AARS1: variants seen among roughly 807,000 people sequenced by gnomAD.
AARS1 encodes alanyl-tRNA synthetase 1, also known as alanine--tRNA ligase, cytoplasmic.
Under a neutral mutation model 108.9 loss-of-function variants are expected in AARS1, and 72 were observed. That is an observed-to-expected ratio of 0.66 (90% CI 0.55 to 0.80). The LOEUF is 0.80. AARS1 is among the 30% of genes least tolerant of loss of function. The probability of loss-of-function intolerance (pLI) is 0.00; values close to 1 mark genes in which losing one functional copy is unlikely to be tolerated. For missense variants in AARS1, 1,193 were observed against 1,233.2 expected (o/e 0.97, Z 0.49); for synonymous variants, 489 against 465.7 (o/e 1.05, Z -0.64).
rs1959876202 is a variant in AARS1 at position 70,252,871 on chromosome 16, C to T, written c.2757G>A (p.Trp919Ter). The T allele has an allele frequency of 1.9e-6, 3 of 1,614,136 alleles. No individual in the cohort carries two copies. The highest frequency in any genetic ancestry group is 2.5e-6 in the Non-Finnish European group (3 of 1,179,962). ...AANRGLKASEWVQQVSGLMDG... is the reference protein window; with the variant it reads ...AANRGLKASE The stretch of plus-strand genomic sequence containing the variant: ...CCATCAAGCCTGACACCTGCTGCAC[C>T]CACTCGCTGGCTTTTAAGCCCCGAT... Residue 919 changes from tryptophan to a stop codon, truncating the protein, a stop_gained, in exon 21 of 21, where the codon TGG becomes TGA. Transcript: ENST00000261772. LOFTEE classifies it high-confidence loss of function.
At chr16:70,265,433 A>G (rs1345259847) in intron 10 of AARS1, 105 bp downstream of exon 10, 1 of 1,546,658 alleles carries the variant, frequency 6.5e-7, no homozygotes, top group Non-Finnish European at 8.9e-7. Context: ...TAGGGGAAAA[A>G]GCACTTCAAA....
chr16:70,284,190 C>A (rs929172345), intron 1 of AARS1, among the ~76,000 whole-genome samples: 6 of 151,916 alleles, frequency 3.9e-5, no homozygotes, highest in Admixed American at 3.9e-4. Flanking sequence ...CCTGTAGTCC[C>A]AGCTACTCAC....
rs766741526 is a variant in AARS1 at position 70,253,842 on chromosome 16, C to A, written c.2521-42G>T. ...CAGAACAGCAGCTCAGACCAAAAGC[C>A]CAGGCCCCGAACCCCTGGCTGTTCT... On this transcript the variant is annotated intron_variant, in intron 18 of 20. Coordinates refer to ENST00000261772, the MANE Select transcript of AARS1 (RefSeq NM_001605.3). 6.2e-6 allele frequency: 10 copies of A among 1,614,196 alleles called. No individual in the cohort carries two copies. In the Admixed American group the frequency reaches 1.7e-4, roughly 27 times the overall value.
chr16:70,281,719 G>A (rs1960699978), intron 2 of AARS1, among the ~76,000 whole-genome samples: 1 of 152,070 alleles, frequency 6.6e-6, no homozygotes, highest in Admixed American at 6.6e-5. Flanking sequence ...TGACATGGTA[G>A]AGCATGCCTG....
At chr16:70,268,549 C>G (rs566137751) in intron 7 of AARS1, among the ~76,000 whole-genome samples, 170 bp from the exon 8 acceptor site, 1 of 152,276 alleles carries the variant, frequency 6.6e-6, no homozygotes, top group South Asian at 2.1e-4. Context: ...CAGTAACATA[C>G]CCACAAATAC....
At position 70,255,821 on chromosome 16, in the gene AARS1, C is replaced by T. The variant is rs746349849; in HGVS notation, c.2193G>A (p.Ser731=). ...CGATCACAAAAGCTCCTGCATGACT[C>T]GAGTTCCGCAGGTGCCTGAATGGCA... ...EFCGGTHLRN[S]SHAGAFVIVT... The change falls in exon 16 of 21, where the codon TCG becomes TCA. Residue 731 remains serine, a synonymous_variant. Coordinates refer to ENST00000261772, the MANE Select transcript of AARS1 (RefSeq NM_001605.3). 1.1e-5 allele frequency: 17 copies of T among 1,613,720 alleles called. No homozygotes were observed. The Admixed American group carries it at 1.3e-4, about 13-fold the overall frequency.
intron 7 of AARS1, 115 bp from the exon 8 acceptor site, chr16:70,268,494 T>G: frequency 1.2e-6 from 1 of 820,834 alleles, no homozygotes; most frequent in Middle Eastern, 2.3e-4. Context: ...ATCCTAAGCC[T>G]GCTTCTTTCG....
At position 70,289,474 on chromosome 16, in the gene AARS1, C is replaced by A; in HGVS notation, c.-75G>T. ...TCCCTCAGAGTCCCCCGCCAAGGGC[C>A]CGCTGCACCTATTCCCGCAGACGCG... On this transcript the variant is annotated 5_prime_UTR_variant, in exon 1 of 21. Coordinates refer to ENST00000261772, the MANE Select transcript of AARS1 (RefSeq NM_001605.3). 4.6e-6 allele frequency: 2 copies of A among 433,894 alleles called. No homozygotes were observed. Among genetic ancestry groups the A allele is most frequent in the Admixed American group, 2.4e-5 (1 of 41,330 alleles). 26.9% of individuals were successfully genotyped at this position (433,894 alleles called of 1,614,324 possible).
At chr16:70,277,304 G>C (rs935722856) in intron 2 of AARS1, 150 bp from the exon 3 acceptor site, 5 of 909,630 alleles carry the variant, frequency 5.5e-6, no homozygotes, top group Non-Finnish European at 8.8e-6. Context: ...AGGTGGCCTG[G>C]TGGAGCCAAA....
chr16:70,266,832 A>G (rs1040407086), intron 9 of AARS1, among the ~76,000 whole-genome samples: 2 of 147,130 alleles, frequency 1.4e-5, no homozygotes, highest in Non-Finnish European at 3.0e-5. Context: ...TTACACATCT[A>G]TTTCTTTTTC....
Position 70,252,833 on chromosome 16 carries a change from C to G in AARS1, c.2795G>C (p.Gly932Ala). ...QVSGLMDGKG[G>A]GKDVSAQATG... Reference sequence around the variant, plus strand: ...GGCCTGTGCAGACACATCCTTGCCACCACCTTTACCGTCCATCAAGCCTGA... The same window carrying G: ...GGCCTGTGCAGACACATCCTTGCCAGCACCTTTACCGTCCATCAAGCCTGA... Residue 932 changes from glycine (G) to alanine (A), a missense_variant, in exon 21 of 21, where the codon GGT becomes GCT. Coordinates refer to ENST00000261772, the MANE Select transcript of AARS1 (RefSeq NM_001605.3). 6.2e-7 allele frequency: 1 copy of G among 1,614,192 alleles called. No individual in the cohort carries two copies. Among genetic ancestry groups the G allele is most frequent in the Non-Finnish European group, 8.5e-7 (1 of 1,179,990 alleles).
chr16:70,253,055 G>C, intron 20 of AARS1, 149 bp from the exon 21 acceptor site: 3 of 1,005,926 alleles, frequency 3.0e-6, no homozygotes, highest in Non-Finnish European at 4.6e-6. Context: ...CTGGTACAGG[G>C]GGCGGCCATG....
At chr16:70,276,296 G>A in intron 4 of AARS1, 190 bp downstream of exon 4, 1 of 604,270 alleles carries the variant, frequency 1.7e-6, no homozygotes, top group Non-Finnish European at 3.0e-6. Context: ...GTGCAGTGGA[G>A]TGATCTCAGG....
intron 2 of AARS1, among the ~76,000 whole-genome samples, chr16:70,277,958 G>C (rs1960588902): frequency 6.6e-6 from 1 of 151,914 alleles, no homozygotes; most frequent in African/African-American, 2.4e-5. Flanking sequence ...TCGTCATGTT[G>C]GCCAGGCTGG....
intron 1 of AARS1, among the ~76,000 whole-genome samples, chr16:70,286,715 C>T (rs1343840117): frequency 6.6e-6 from 1 of 151,252 alleles, no homozygotes; most frequent in Non-Finnish European, 1.5e-5. Flanking sequence ...TGTGGTGGCA[C>T]GCACCTATAA....
chr16:70,269,018 C>T (rs1485823580), intron 7 of AARS1, among the ~76,000 whole-genome samples: 1 of 151,826 alleles, frequency 6.6e-6, no homozygotes, highest in African/African-American at 2.4e-5. Context: ...ACCAGCCTGG[C>T]CAACATGGCA....
chr16:70,282,785 C>T lies in AARS1; in HGVS notation c.-21-1G>A, dbSNP rs1399222345. The stretch of plus-strand genomic sequence containing the variant: ...CCATCTTGAAAGTCACCCCAAAGAA[C>T]TAATCAAAGAAAAAAAAATGAAGGA... On this transcript the variant is annotated splice_acceptor_variant, in intron 1 of 20. Transcript: ENST00000261772. LOFTEE classifies it low-confidence loss of function (5UTR_SPLICE). 1.9e-6 allele frequency: 3 copies of T among 1,612,918 alleles called. No homozygotes were observed. The Admixed American group carries it at 5.0e-5, about 27-fold the overall frequency.
At chr16:70,276,773 T>A in intron 3 of AARS1, 142 bp from the exon 4 acceptor site, 1 of 1,196,428 alleles carries the variant, frequency 8.4e-7, no homozygotes, top group Non-Finnish European at 1.2e-6. Flanking sequence ...ATGTAAGAAA[T>A]CCAAATATAT....
At chr16:70,272,686 G>A (rs1960437837) in intron 4 of AARS1, among the ~76,000 whole-genome samples, 1 of 151,526 alleles carries the variant, frequency 6.6e-6, no homozygotes. Context: ...GAAAACGCTG[G>A]CCACGCGCAT....
Sources: gnomAD v4.1 joint callset for allele counts (sites outside exome capture counted in the v4.1 genomes callset) on GRCh38, gnomAD v4.1.1 for gene constraint, MANE v1.5 for transcripts, NCBI Gene and HGNC (gene_info 2026-07-23, HGNC 2026-07-21) for gene names.